Variants in NECAB1 observed in about 807,000 individuals in gnomAD.
NECAB1 encodes N-terminal EF-hand calcium binding protein 1, also known as N-terminal EF-hand calcium-binding protein 1.
Under a neutral mutation model 57.5 loss-of-function variants are expected in NECAB1, and 29 were observed. The observed-to-expected ratio is 0.50, with a 90% CI of 0.38 to 0.69. The LOEUF (loss-of-function observed/expected upper bound fraction) is 0.69, where lower values mean the gene tolerates loss of function less well. NECAB1 is among the 30% of genes least tolerant of loss of function. The probability of loss-of-function intolerance (pLI) is 0.00; values close to 1 mark genes in which losing one functional copy is unlikely to be tolerated. For synonymous variants in NECAB1, 142 were observed against 147.7 expected (o/e 0.96, Z 0.28); for missense variants, 372 against 413.8 (o/e 0.90, Z 0.88).
intron 3 of NECAB1, among the ~76,000 whole-genome samples, chr8:90,831,728 G>C (rs1484004451): frequency 6.6e-6 from 1 of 151,958 alleles, no homozygotes; most frequent in Non-Finnish European, 1.5e-5. Flanking sequence ...TTCTCCTAAT[G>C]GTCTTGACAG....
chr8:90,936,872 G>A (rs114409959), intron 9 of NECAB1, among the ~76,000 whole-genome samples: 8 of 151,738 alleles, frequency 5.3e-5, no homozygotes, highest in Non-Finnish European at 1.0e-4. Flanking sequence ...GGAAAGGATC[G>A]TTATACACAC....
At chr8:90,800,471 CTCT>C (rs1811742187) in intron 1 of NECAB1, among the ~76,000 whole-genome samples, 1 of 152,040 alleles carries the variant, frequency 6.6e-6, no homozygotes, top group African/African-American at 2.4e-5. Flanking sequence ...GCATAGATGG[CTCT>C]TATTATTTTG....
chr8:90,949,683 G>A (rs974438181), intron 10 of NECAB1, 124 bp from the exon 11 acceptor site: 103 of 472,274 alleles, frequency 2.2e-4, no homozygotes, highest in Non-Finnish European at 1.1e-4. Context: ...TTTTCATGCA[G>A]GCACCTTAGA....
chr8:90,908,080 A>G (rs1809738294), intron 5 of NECAB1, among the ~76,000 whole-genome samples: 1 of 152,192 alleles, frequency 6.6e-6, no homozygotes, highest in African/African-American at 2.4e-5. Context: ...GTGTCTGACA[A>G]ATTTAGTAAC....
intron 2 of NECAB1, among the ~76,000 whole-genome samples, chr8:90,809,060 C>T (rs1400849092): frequency 1.3e-5 from 2 of 152,200 alleles, no homozygotes; most frequent in Non-Finnish European, 2.9e-5. Flanking sequence ...ACTAAGACTC[C>T]AGAGCTGCAC....
chr8:90,804,309 C>G (rs1341537925), intron 2 of NECAB1, among the ~76,000 whole-genome samples: 1 of 151,374 alleles, frequency 6.6e-6, no homozygotes, highest in Non-Finnish European at 1.5e-5. Context: ...TATATCGAGC[C>G]TAAAACAATC....
intron 8 of NECAB1, among the ~76,000 whole-genome samples, chr8:90,931,756 T>C (rs1810411130): frequency 6.6e-6 from 1 of 151,896 alleles, no homozygotes; most frequent in Admixed American, 6.6e-5. Context: ...ATACAAAAAT[T>C]AACCAGGCGT....
At chr8:90,842,420 A>G (rs568484806) in intron 3 of NECAB1, among the ~76,000 whole-genome samples, 1 of 152,156 alleles carries the variant, frequency 6.6e-6, no homozygotes, top group Non-Finnish European at 1.5e-5. Flanking sequence ...GGTGGAGGGT[A>G]GGAGTGAGGG....
At chr8:90,937,297 C>A (rs1810560801) in intron 9 of NECAB1, among the ~76,000 whole-genome samples, 1 of 151,978 alleles carries the variant, frequency 6.6e-6, no homozygotes, top group East Asian at 1.9e-4. Context: ...ATATTATAGG[C>A]TAGAAAACAA....
Position 90,917,690 on chromosome 8 carries a change from G to A in NECAB1, c.494+62G>A. On this transcript the variant is annotated intron_variant, in intron 6 of 12. Transcript: ENST00000417640. ...ACTCTATGTTCATGAAAAAACAATT[G>A]AGAGGCATTGTACTTACACTAGCAA... 2.0e-6 allele frequency: 3 copies of A among 1,484,468 alleles called. No homozygotes were observed. The South Asian group carries it at 4.3e-5, about 21-fold the overall frequency. 92.0% of individuals were successfully genotyped at this position (1,484,468 alleles called of 1,614,324 possible).
chr8:90,958,908 T>C lies in NECAB1; in HGVS notation c.*3396T>C. On this transcript the variant is annotated 3_prime_UTR_variant, in exon 13 of 13. Transcript: ENST00000417640. ...GAAGTCAAATAGCCAACCATCAAAATTAAGAATAAATTGAATTGTCACAGT... is the reference window on the plus strand; with the variant it reads ...GAAGTCAAATAGCCAACCATCAAAACTAAGAATAAATTGAATTGTCACAGT... The C allele has an allele frequency of 1.0e-5, 7 of 687,228 alleles. No individual in the cohort carries two copies. Among genetic ancestry groups the C allele is most frequent in the Admixed American group, 3.9e-5 (1 of 25,894 alleles). The allele number at this position is 687,228 out of a possible 1,614,324, so 42.6% of individuals were successfully genotyped here.
Position 90,791,795 on chromosome 8 carries a change from C to A in NECAB1, c.-92C>A. On this transcript the variant is annotated 5_prime_UTR_variant, in exon 1 of 13. Coordinates refer to ENST00000417640, the MANE Select transcript of NECAB1 (RefSeq NM_022351.5). ...ACACCCTCCCGGATCCAGAGCCCGG[C>A]GGCGGCGAAGCAGCAGCTGCGGCCG... The A allele has an allele frequency of 5.1e-6, 5 of 987,418 alleles. No individual in the cohort carries two copies. The highest frequency in any genetic ancestry group is 1.5e-5 in the South Asian group (1 of 68,336). The allele number at this position is 987,418 out of a possible 1,614,324, so 61.2% of individuals were successfully genotyped here. A position where few individuals can be genotyped will look rare whatever the true frequency, so the allele number is the denominator to read the frequency against.
chr8:90,951,993 G>A (rs905390594), intron 12 of NECAB1, among the ~76,000 whole-genome samples: 2 of 152,192 alleles, frequency 1.3e-5, no homozygotes, highest in African/African-American at 4.8e-5. Flanking sequence ...AGGTGCAAAG[G>A]TGTCACTAAG....
At chr8:90,848,438 T>C (rs1812609730) in intron 3 of NECAB1, among the ~76,000 whole-genome samples, 1 of 152,184 alleles carries the variant, frequency 6.6e-6, no homozygotes, top group African/African-American at 2.4e-5. Flanking sequence ...CAAAGTCACT[T>C]CCACATTTTT....
At chr8:90,938,467 C>G (rs1225389807) in intron 9 of NECAB1, among the ~76,000 whole-genome samples, 1 of 152,170 alleles carries the variant, frequency 6.6e-6, no homozygotes, top group Non-Finnish European at 1.5e-5. Flanking sequence ...GATAGTAGGA[C>G]TCCTGTTCCA....
chr8:90,903,399 A>G (rs946636585), intron 5 of NECAB1, among the ~76,000 whole-genome samples: 1 of 152,190 alleles, frequency 6.6e-6, no homozygotes, highest in African/African-American at 2.4e-5. Context: ...AACATGTCAC[A>G]TATCTTTTCA....
chr8:90,832,640 T>A (rs1026332227), intron 3 of NECAB1, among the ~76,000 whole-genome samples: 1 of 152,176 alleles, frequency 6.6e-6, no homozygotes, highest in Admixed American at 6.5e-5. Flanking sequence ...GAAGTGATTA[T>A]GTACCAGGCA....
intron 2 of NECAB1, among the ~76,000 whole-genome samples, chr8:90,814,909 A>C (rs1812032622): frequency 6.6e-6 from 1 of 152,186 alleles, no homozygotes; most frequent in African/African-American, 2.4e-5. Flanking sequence ...GCTAAGAAGC[A>C]AGGAAATACA....
intron 3 of NECAB1, among the ~76,000 whole-genome samples, chr8:90,862,993 C>A (rs1808433399): frequency 6.6e-6 from 1 of 151,992 alleles, no homozygotes; most frequent in South Asian, 2.1e-4. Flanking sequence ...TTTGCAAAAT[C>A]TTCCCCTTCC....
Sources: allele counts gnomAD v4.1 joint callset (sites outside exome capture counted in the v4.1 genomes callset), GRCh38; gene constraint gnomAD v4.1.1; transcripts MANE v1.5; gene names NCBI Gene and HGNC (gene_info 2026-07-23, HGNC 2026-07-21).